Variants in STPG2 observed in about 807,000 individuals in gnomAD.
STPG2 encodes sperm tail PG-rich repeat containing 2, also known as sperm-tail PG-rich repeat-containing protein 2.
STPG2 carries 56 observed loss-of-function variants against 54.2 expected under a neutral mutation model. The ratio of observed to expected loss-of-function variants is 1.03; its 90% CI spans 0.83 to 1.29. The LOEUF (loss-of-function observed/expected upper bound fraction) is 1.29. Ranked by LOEUF, STPG2 falls within the 50% of genes most tolerant of loss-of-function variation. The pLI is 0.00. For missense variants in STPG2, 596 were observed against 544.9 expected (o/e 1.09, Z -0.93); for synonymous variants, 200 against 181.8 (o/e 1.10, Z -0.81).
intron 5 of STPG2, among the ~76,000 whole-genome samples, chr4:98,083,873 C>T (rs768783095): frequency 2.0e-5 from 3 of 152,108 alleles, no homozygotes; most frequent in Non-Finnish European, 4.4e-5. Flanking sequence ...TTGTTTTTAA[C>T]ACAGTCTTAC....
At chr4:98,090,208 T>C (rs1738644973) in intron 5 of STPG2, among the ~76,000 whole-genome samples, 1 of 152,198 alleles carries the variant, frequency 6.6e-6, no homozygotes, top group Non-Finnish European at 1.5e-5. Context: ...CATTGATTCA[T>C]CTTGAGTTGA....
chr4:97,623,233 A>C (rs1321105433), intron 10 of STPG2, among the ~76,000 whole-genome samples: 1 of 152,100 alleles, frequency 6.6e-6, no homozygotes, highest in Non-Finnish European at 1.5e-5. Context: ...GACACCAAAA[A>C]CAATTGTGAC....
chr4:98,022,925 T>A (rs1736273632), intron 5 of STPG2, among the ~76,000 whole-genome samples: 1 of 152,178 alleles, frequency 6.6e-6, no homozygotes, highest in Non-Finnish European at 1.5e-5. Flanking sequence ...TCATCTAATT[T>A]TTTTCCAAGT....
chr4:97,551,962 A>G (rs567442541), intron 4 of STPG2, among the ~76,000 whole-genome samples: 22 of 152,294 alleles, frequency 1.4e-4, no homozygotes, highest in Admixed American at 1.4e-3. Context: ...GCTTTTTAAA[A>G]AACACAAATA....
At chr4:97,644,255 T>G (rs891532459) in intron 10 of STPG2, among the ~76,000 whole-genome samples, 4 of 151,956 alleles carry the variant, frequency 2.6e-5, no homozygotes, top group African/African-American at 4.8e-5. Flanking sequence ...AAAAAATGTT[T>G]GTAAAGCATC....
At chr4:97,454,406 G>A (rs1483478889) in intron 4 of STPG2, among the ~76,000 whole-genome samples, 7 of 149,778 alleles carry the variant, frequency 4.7e-5, no homozygotes, top group Non-Finnish European at 7.4e-5. Context: ...CCAGCTACTC[G>A]GGAGGCTGAG....
chr4:97,576,382 T>C (rs1001124503), intron 10 of STPG2, among the ~76,000 whole-genome samples: 1 of 151,258 alleles, frequency 6.6e-6, no homozygotes, highest in Non-Finnish European at 1.5e-5. Flanking sequence ...GAGGCTATGG[T>C]AACCAAAACA....
chr4:97,527,568 T>C (rs1386123525), intron 4 of STPG2, among the ~76,000 whole-genome samples: 1 of 152,148 alleles, frequency 6.6e-6, no homozygotes, highest in Non-Finnish European at 1.5e-5. Context: ...TTGAGGAATC[T>C]GCCACACTGT....
At chr4:97,896,051 C>A (rs1021918202) in intron 8 of STPG2, among the ~76,000 whole-genome samples, 4 of 151,786 alleles carry the variant, frequency 2.6e-5, no homozygotes, top group Non-Finnish European at 5.9e-5. Flanking sequence ...AGCCCAATTT[C>A]CTTCCAAGTG....
intron 5 of STPG2, among the ~76,000 whole-genome samples, chr4:98,058,079 G>A (rs994368920): frequency 2.6e-5 from 4 of 152,072 alleles, no homozygotes; most frequent in African/African-American, 9.7e-5. Flanking sequence ...ATATGGAAAG[G>A]AAAGACCATT....
chr4:97,703,150 A>C (rs975581972), intron 10 of STPG2, among the ~76,000 whole-genome samples: 3 of 152,004 alleles, frequency 2.0e-5, no homozygotes, highest in African/African-American at 7.2e-5. Flanking sequence ...GTGAATCAGG[A>C]GTGTCAAATG....
chr4:97,914,809 C>A (rs1176483026), intron 8 of STPG2, among the ~76,000 whole-genome samples: 10 of 152,140 alleles, frequency 6.6e-5, no homozygotes, highest in Admixed American at 5.9e-4. Flanking sequence ...CAAAAAGTTT[C>A]AGATTTTGGA....
intron 8 of STPG2, among the ~76,000 whole-genome samples, chr4:97,891,637 A>G (rs960654447): frequency 2.0e-5 from 3 of 152,118 alleles, no homozygotes; most frequent in African/African-American, 7.2e-5. Flanking sequence ...AGCCAAAAAT[A>G]TATCTTGCTC....
At chr4:97,803,338 T>C (rs1727453493) in intron 9 of STPG2, among the ~76,000 whole-genome samples, 1 of 152,200 alleles carries the variant, frequency 6.6e-6, no homozygotes, top group African/African-American at 2.4e-5. Context: ...ATGTTAAATA[T>C]TTTTAGAAAC....
intron 10 of STPG2, among the ~76,000 whole-genome samples, chr4:97,589,608 CCTATTGTCTTGGTCATAA>C (rs375895787): frequency 7.8e-4 from 118 of 152,184 alleles, no homozygotes; most frequent in African/African-American, 2.7e-3. Flanking sequence ...CTCTGTAAAT[CCTATTGTCTTGGTCATAA>C]CTATTCAACT....
Position 98,143,125 on chromosome 4 carries a change from A to G in STPG2, c.26T>C (p.Leu9Pro), listed in dbSNP as rs1197591396. MYDRAPRL[L>P]KLAEGGSTEA... The stretch of plus-strand genomic sequence containing the variant: ...AGTGCTGCCACCTTCAGCCAATTTG[A>G]GCAGGCGGGGAGCCCGATCATACAT... Residue 9 changes from leucine to proline, a missense_variant, in exon 1 of 11, where the codon CTC (leucine) becomes CCC (proline). Physicochemically the swap from Leu to Pro is moderately conservative, Grantham distance 98. Transcript: ENST00000295268. 6.2e-7 allele frequency: 1 copy of G among 1,613,674 alleles called. No individual in the cohort carries two copies. The highest frequency in any genetic ancestry group is 1.7e-5 in the Admixed American group (1 of 59,990).
chr4:97,884,549 C>A (rs377349957), intron 8 of STPG2, among the ~76,000 whole-genome samples: 1 of 152,142 alleles, frequency 6.6e-6, no homozygotes, highest in Non-Finnish European at 1.5e-5. Context: ...ACACTTCGCT[C>A]TTGCACTTCT....
chr4:97,738,266 T>G (rs533469540), intron 9 of STPG2, among the ~76,000 whole-genome samples: 1 of 152,194 alleles, frequency 6.6e-6, no homozygotes, highest in African/African-American at 2.4e-5. Context: ...CATGCCAAAT[T>G]GTAAAGACCA....
At chr4:98,078,001 C>G (rs899043411) in intron 5 of STPG2, among the ~76,000 whole-genome samples, 1 of 151,852 alleles carries the variant, frequency 6.6e-6, no homozygotes, top group African/African-American at 2.4e-5. Flanking sequence ...AATGTTATCT[C>G]AGACACAGAA....
Sources: gnomAD v4.1 joint callset for allele counts (sites outside exome capture counted in the v4.1 genomes callset) on GRCh38, gnomAD v4.1.1 for gene constraint, MANE v1.5 for transcripts, NCBI Gene and HGNC (gene_info 2026-07-23, HGNC 2026-07-21) for gene names.